The following MAP3K5 variants were observed in gnomAD, a reference collection of about 807,000 sequenced individuals.
MAP3K5 encodes mitogen-activated protein kinase kinase kinase 5.
MAP3K5 carries 56 observed loss-of-function variants against 158.7 expected under a neutral mutation model. The ratio of observed to expected loss-of-function variants is 0.35; its 90% CI spans 0.28 to 0.44. The LOEUF is 0.44. MAP3K5 is among the 20% of genes least tolerant of loss of function. MAP3K5 has a pLI of 1.00. For synonymous variants in MAP3K5, 579 were observed against 601.7 expected, an observed-to-expected ratio of 0.96 and a Z score of 0.55; for missense variants, 1,294 against 1,674.8, an observed-to-expected ratio of 0.77 and a Z score of 3.97.
chr6:136,636,740 C>T (rs1777655123), intron 14 of MAP3K5: 1 of 793,630 alleles, frequency 1.3e-6, no homozygotes, highest in Non-Finnish European at 1.5e-6. Flanking sequence ...CCCAGGAATT[C>T]AAGACCAGTC....
intron 11 of MAP3K5, among the ~76,000 whole-genome samples, chr6:136,646,464 CT>C (rs1778262459): frequency 6.6e-6 from 1 of 152,178 alleles, no homozygotes. Context: ...TAACAAATTG[CT>C]GGAAATAGTA....
At chr6:136,679,178 G>C (rs1388350893) in intron 7 of MAP3K5, among the ~76,000 whole-genome samples, 1 of 152,164 alleles carries the variant, frequency 6.6e-6, no homozygotes, top group Non-Finnish European at 1.5e-5. Context: ...TAGCTTAAAA[G>C]CAGTTAAGTC....
intron 14 of MAP3K5, among the ~76,000 whole-genome samples, chr6:136,633,331 G>A (rs756125459): frequency 1.3e-5 from 2 of 151,946 alleles, no homozygotes; most frequent in Non-Finnish European, 2.9e-5. Flanking sequence ...CCCGGGGGTG[G>A]AGGTTGCAGT....
chr6:136,768,784 G>A (rs1451427426), intron 1 of MAP3K5, among the ~76,000 whole-genome samples: 1 of 151,996 alleles, frequency 6.6e-6, no homozygotes, highest in African/African-American at 2.4e-5. Flanking sequence ...ATGGTGGCAG[G>A]TGCCTGTAAT....
chr6:136,686,397 A>G (rs1780147855), intron 7 of MAP3K5, among the ~76,000 whole-genome samples: 1 of 152,222 alleles, frequency 6.6e-6, no homozygotes, highest in African/African-American at 2.4e-5. Flanking sequence ...ACTCCTATTC[A>G]ACATAGTATT....
At chr6:136,585,400 G>C (rs1439747389) in intron 23 of MAP3K5, among the ~76,000 whole-genome samples, 1 of 151,580 alleles carries the variant, frequency 6.6e-6, no homozygotes, top group Non-Finnish European at 1.5e-5. Flanking sequence ...TTATAGATGT[G>C]AGCCACTTTC....
chr6:136,779,472 G>C (rs1040729001), intron 1 of MAP3K5, among the ~76,000 whole-genome samples: 2 of 147,770 alleles, frequency 1.4e-5, no homozygotes, highest in African/African-American at 5.0e-5. Flanking sequence ...GATTAAATAA[G>C]GTCATACATA....
intron 1 of MAP3K5, among the ~76,000 whole-genome samples, chr6:136,748,490 T>C (rs1783058208): frequency 6.6e-6 from 1 of 152,176 alleles, no homozygotes. Context: ...AATATGTATT[T>C]GTTCAGGAAA....
chr6:136,718,527 C>G (rs1314821685), intron 2 of MAP3K5, among the ~76,000 whole-genome samples: 1 of 152,148 alleles, frequency 6.6e-6, no homozygotes, highest in African/African-American at 2.4e-5. Context: ...AGATAAAGCA[C>G]TTGGTACCTA....
At chr6:136,563,198 A>G (rs1037663136) in intron 26 of MAP3K5, among the ~76,000 whole-genome samples, 3 of 152,054 alleles carry the variant, frequency 2.0e-5, no homozygotes, top group Non-Finnish European at 4.4e-5. Flanking sequence ...AACCTCCACC[A>G]CAGATTGTCT....
At chr6:136,755,397 T>A (rs1481378976) in intron 1 of MAP3K5, among the ~76,000 whole-genome samples, 1 of 152,158 alleles carries the variant, frequency 6.6e-6, no homozygotes, top group Non-Finnish European at 1.5e-5. Context: ...TTTGAGCACA[T>A]AATTTGTAAT....
At chr6:136,771,806 A>G (rs1784210034) in intron 1 of MAP3K5, among the ~76,000 whole-genome samples, 1 of 152,206 alleles carries the variant, frequency 6.6e-6, no homozygotes, top group Admixed American at 6.5e-5. Context: ...GCTCTATCTC[A>G]ACAACCCGAT....
At chr6:136,573,403 T>C (rs970884340) in intron 25 of MAP3K5, among the ~76,000 whole-genome samples, 3 of 152,238 alleles carry the variant, frequency 2.0e-5, no homozygotes, top group Admixed American at 1.3e-4. Context: ...TGATGTTATA[T>C]GGTAGAACTT....
At chr6:136,719,485 C>G (rs965735138) in intron 2 of MAP3K5, among the ~76,000 whole-genome samples, 9 of 152,184 alleles carry the variant, frequency 5.9e-5, no homozygotes, top group African/African-American at 2.2e-4. Flanking sequence ...ATATACCTGT[C>G]AATCACCAGC....
chr6:136,792,211 T>G lies in MAP3K5; in HGVS notation c.-54A>C. 1 of 1,513,154 alleles carries G rather than the reference T, an allele frequency of 6.6e-7. No homozygotes were observed. 93.7% of individuals were successfully genotyped at this position (1,513,154 alleles called of 1,614,324 possible). ...GCGTCCCCCGCCCAGCCGCACCGCC[T>G]GGCCAGCCACAGCTCGGGGCTGCTC... On this transcript the variant is annotated 5_prime_UTR_variant, in exon 1 of 30. Transcript: ENST00000359015. The surrounding 1 kb of genome is among the most constrained non-coding windows in gnomAD (Gnocchi z 5.7).
intron 1 of MAP3K5, among the ~76,000 whole-genome samples, chr6:136,730,741 A>G (rs1035603882): frequency 7.2e-5 from 10 of 139,240 alleles, no homozygotes; most frequent in Non-Finnish European, 1.1e-4. Flanking sequence ...AAAAAAAAAA[A>G]AAGAGTCACA....
chr6:136,659,407 A>C, intron 8 of MAP3K5, 29 bp from the exon 9 acceptor site: 4 of 1,606,846 alleles, frequency 2.5e-6, no homozygotes, highest in Non-Finnish European at 3.4e-6. Flanking sequence ...GTAGAATGTT[A>C]CAAATGCACC....
In MAP3K5 at chr6:136,792,277, C is replaced by G. The variant is rs1785116373; in HGVS notation, c.-120G>C. 8.9e-7 allele frequency: 1 copy of G among 1,127,258 alleles called. No individual in the cohort carries two copies. The highest frequency in any genetic ancestry group is 1.7e-5 in the African/African-American group (1 of 59,564). The allele number at this position is 1,127,258 out of a possible 1,614,324, so 69.8% of individuals were successfully genotyped here. On this transcript the variant is annotated 5_prime_UTR_variant, in exon 1 of 30. Transcript: ENST00000359015. The surrounding 1 kb of genome is among the most constrained non-coding windows in gnomAD (Gnocchi z 5.7). ...AAGCAGCTGCCATCGCGCGCCGCGC[C>G]CTCGCCGCCGCGCCGCCGCCTCCTC...
At position 136,605,299 on chromosome 6, in the gene MAP3K5, G is replaced by A. The variant is rs1474337012; in HGVS notation, c.2589C>T (p.Asp863=). Residue 863 remains aspartate, a synonymous_variant, in exon 19 of 30, where the codon GAC becomes GAT. Coordinates refer to ENST00000359015, the MANE Select transcript of MAP3K5 (RefSeq NM_005923.4). ...TGATTGTACAGCCCAGAGACCAGAT[G>A]TCTGCTGCTTTTCCGTAGCCTCTTG... The part of the protein sequence containing the change: ...KGPRGYGKAA[D]IWSLGCTIIE... 5.6e-6 allele frequency: 9 copies of A among 1,614,076 alleles called. No homozygotes were observed. In the Admixed American group the frequency reaches 1.0e-4, roughly 18 times the overall value.
Sources: gnomAD v4.1 joint callset for allele counts (sites outside exome capture counted in the v4.1 genomes callset) on GRCh38, gnomAD v4.1.1 for gene constraint, Gnocchi (gnomAD v3.1) non-coding constraint, MANE v1.5 for transcripts, NCBI Gene and HGNC (gene_info 2026-07-23, HGNC 2026-07-21) for gene names.